Variants in PON2 observed in about 807,000 individuals in gnomAD.
PON2 encodes paraoxonase 2.
A neutral mutation model predicts 36.6 loss-of-function variants in PON2; 27 were observed. The observed-to-expected ratio is 0.74, with a 90% CI of 0.54 to 1.02. The LOEUF (loss-of-function observed/expected upper bound fraction) is 1.02. Ranked by LOEUF, PON2 falls within the 50% of genes least tolerant of loss-of-function variation. The pLI is 0.00. For synonymous variants in PON2, 149 were observed against 156.3 expected (o/e 0.95, Z 0.35); for missense variants, 363 against 421.1 (o/e 0.86, Z 1.21).
chr7:95,416,817 T>C (rs1176539634), intron 2 of PON2, among the ~76,000 whole-genome samples: 1 of 152,190 alleles, frequency 6.6e-6, no homozygotes, highest in Non-Finnish European at 1.5e-5. Context: ...AGCTTTTCTA[T>C]TTAATCTTTA....
chr7:95,406,595 G>A (rs1385949406), intron 7 of PON2, among the ~76,000 whole-genome samples: 1 of 152,132 alleles, frequency 6.6e-6, no homozygotes, highest in Non-Finnish European at 1.5e-5. Flanking sequence ...TTGTTGAGTA[G>A]GAAGAAAATA....
chr7:95,409,835 C>G, intron 6 of PON2, 66 bp downstream of exon 6: 1 of 1,425,460 alleles, frequency 7.0e-7, no homozygotes, highest in Non-Finnish European at 9.9e-7. Context: ...ACAAAGAAAG[C>G]AAAGTAAAGA....
chr7:95,422,301 T>A (rs1789210959), intron 2 of PON2, among the ~76,000 whole-genome samples: 2 of 152,256 alleles, frequency 1.3e-5, no homozygotes, highest in Admixed American at 1.3e-4. Flanking sequence ...ATATATTTGT[T>A]TGCAAATGCA....
At chr7:95,413,762 TCTTA>T (rs950018787) in intron 3 of PON2, among the ~76,000 whole-genome samples, 15 of 152,312 alleles carry the variant, frequency 9.8e-5, no homozygotes, top group African/African-American at 2.4e-4. Context: ...AATAAAAAAG[TCTTA>T]CTTTATGTAT....
At chr7:95,410,157 T>G in intron 5 of PON2, 56 bp from the exon 6 acceptor site, 2 of 1,394,020 alleles carry the variant, frequency 1.4e-6, no homozygotes, top group Non-Finnish European at 2.0e-6. Context: ...GTCTCCATAT[T>G]AAATATTAAG....
Position 95,405,223 on chromosome 7 carries a change from C to T in PON2, c.*107G>A. On this transcript the variant is annotated 3_prime_UTR_variant, in exon 9 of 9. Coordinates refer to ENST00000222572, the MANE Select transcript of PON2 (RefSeq NM_000305.3). ...CCTTACTGGAATAAAATTAACTACA[C>T]ATGCCATACATTTCTGGGTCAATGT... 8.3e-7 allele frequency: 1 copy of T among 1,208,324 alleles called. No homozygotes were observed. The highest frequency in any genetic ancestry group is 1.2e-6 in the Non-Finnish European group (1 of 838,222). 74.9% of individuals were successfully genotyped at this position (1,208,324 alleles called of 1,614,324 possible).
rs988482433 is a variant in PON2, at chr7:95,434,796, C to G, written c.74+82G>C. The stretch of plus-strand genomic sequence containing the variant: ...GGCCAGGTCCCGCAGGAATCCCTCC[C>G]CCAGCCTGCGCCCTCCCCGCACCAC... On this transcript the variant is annotated intron_variant, in intron 1 of 8. Coordinates refer to ENST00000222572, the MANE Select transcript of PON2 (RefSeq NM_000305.3). 2.0e-6 allele frequency: 3 copies of G among 1,466,102 alleles called. No homozygotes were observed. The East Asian group carries it at 8.0e-5, about 39-fold the overall frequency. The allele number at this position is 1,466,102 out of a possible 1,614,324, so 90.8% of individuals were successfully genotyped here.
chr7:95,411,948 C>G (rs1210355749), intron 4 of PON2, among the ~76,000 whole-genome samples, 169 bp from the exon 5 acceptor site: 1 of 152,176 alleles, frequency 6.6e-6, no homozygotes, highest in East Asian at 1.9e-4. Context: ...GGTGTTATTT[C>G]TGATCATTGG....
chr7:95,427,959 C>G (rs1789353841), intron 1 of PON2, among the ~76,000 whole-genome samples: 1 of 152,150 alleles, frequency 6.6e-6, no homozygotes, highest in Non-Finnish European at 1.5e-5. Context: ...AGGAGGAACA[C>G]TCTTTACTTT....
chr7:95,428,061 G>C (rs979769662), intron 1 of PON2, among the ~76,000 whole-genome samples: 1 of 152,170 alleles, frequency 6.6e-6, no homozygotes, highest in African/African-American at 2.4e-5. Flanking sequence ...CCACTCTGCT[G>C]TCATGCAGGA....
intron 6 of PON2, chr7:95,409,460 G>T (rs1809805443): frequency 6.6e-6 from 1 of 152,126 alleles, no homozygotes; most frequent in Admixed American, 6.6e-5. Flanking sequence ...ATAGAGAATT[G>T]GTTAAATTAG....
intron 3 of PON2, among the ~76,000 whole-genome samples, chr7:95,414,495 T>G (rs1197768727): frequency 6.6e-6 from 1 of 152,212 alleles, no homozygotes; most frequent in Admixed American, 6.5e-5. Flanking sequence ...CTAAAATGGC[T>G]GTAGATTTAT....
chr7:95,422,796 A>G (rs1290822266), intron 2 of PON2, among the ~76,000 whole-genome samples: 1 of 152,204 alleles, frequency 6.6e-6, no homozygotes, highest in Non-Finnish European at 1.5e-5. Context: ...AAGTGACTCA[A>G]TGACAGTCTA....
chr7:95,428,199 T>C (rs1028313495), intron 1 of PON2, among the ~76,000 whole-genome samples: 1 of 152,192 alleles, frequency 6.6e-6, no homozygotes, highest in Non-Finnish European at 1.5e-5. Flanking sequence ...CTGTTTTAGG[T>C]TCCTTTTGTT....
intron 1 of PON2, 27 bp downstream of exon 1, chr7:95,434,851 G>A: frequency 2.6e-6 from 4 of 1,536,738 alleles, no homozygotes; most frequent in Admixed American, 4.0e-5. Flanking sequence ...GGACCGCCGA[G>A]GAGGGGCGCG....
At chr7:95,420,299 T>G (rs1333225268) in intron 2 of PON2, among the ~76,000 whole-genome samples, 1 of 152,192 alleles carries the variant, frequency 6.6e-6, no homozygotes, top group Non-Finnish European at 1.5e-5. Context: ...TTAGTTATCT[T>G]GAGAAAGACA....
intron 1 of PON2, among the ~76,000 whole-genome samples, chr7:95,429,473 G>C (rs17876069): frequency 9.2e-4 from 140 of 152,226 alleles, no homozygotes; most frequent in African/African-American, 3.2e-3. Flanking sequence ...TTGCTATTGT[G>C]AATAGAAAGC....
At chr7:95,418,126 A>G (rs905527355) in intron 2 of PON2, 2 of 152,128 alleles carry the variant, frequency 1.3e-5, no homozygotes, top group South Asian at 4.1e-4. Flanking sequence ...TTCTATAGCC[A>G]CTACTGCAGG....
intron 2 of PON2, among the ~76,000 whole-genome samples, chr7:95,423,299 G>A (rs35686517): frequency 0.24 from 34,289 of 143,934 alleles, 4,458 homozygotes; most frequent in South Asian, 0.34. Context: ...TCTGGCCTGG[G>A]TGACAAAGTG....
Sources: allele counts gnomAD v4.1 joint callset (sites outside exome capture counted in the v4.1 genomes callset), GRCh38; gene constraint gnomAD v4.1.1; transcripts MANE v1.5; gene names NCBI Gene and HGNC (gene_info 2026-07-23, HGNC 2026-07-21).